RPAP1: variants seen among roughly 807,000 people sequenced by gnomAD.
RPAP1 encodes RNA polymerase II associated protein 1.
A neutral mutation model predicts 142.4 loss-of-function variants in RPAP1; 109 were observed. The observed-to-expected ratio is 0.77, with a 90% CI of 0.66 to 0.90. The LOEUF is 0.90. RPAP1 is among the 40% of genes least tolerant of loss of function. The pLI, the probability that RPAP1 is intolerant of heterozygous loss-of-function variation, is 0.00. For missense variants in RPAP1, 1,546 were observed against 1,751.7 expected (o/e 0.88, Z 2.10); for synonymous variants, 704 against 738.9 (o/e 0.95, Z 0.77).
At chr15:41,521,593 G>C in intron 21 of RPAP1, 145 bp downstream of exon 21, 1 of 857,452 alleles carries the variant, frequency 1.2e-6, no homozygotes, top group Non-Finnish European at 1.8e-6. Context: ...CTTCACTAAT[G>C]AGGTAATGGA....
intron 14 of RPAP1, 189 bp from the exon 15 acceptor site, chr15:41,525,337 T>G (rs2051780626): frequency 7.7e-6 from 2 of 260,072 alleles, no homozygotes. Context: ...ATTTTACTTT[T>G]TATTATTTAT....
chr15:41,531,067 G>T lies in RPAP1; in HGVS notation c.899C>A (p.Ala300Asp), dbSNP rs2051841759. 5.0e-6 allele frequency: 8 copies of T among 1,613,688 alleles called. No individual in the cohort carries two copies. The highest frequency in any genetic ancestry group is 6.8e-6 in the Non-Finnish European group (8 of 1,179,764). ...TKEEPLMSAF[A>D]SEPRKRDKLE... is the part of the protein sequence containing the mutation. ...CTTGTCTCTCTTCCTGGGCTCACTG[G>T]CAAAAGCTGACATGAGGGGTTCCTC... Residue 300 changes from alanine (A) to aspartate (D), a missense_variant, in exon 7 of 25, where the codon GCC becomes GAC. By Grantham distance (126) the Ala-to-Asp change is moderately radical. This residue lies in a region of RPAP1 where 1,333 missense variants were observed against 1,486.6 expected (regional missense o/e 0.90). Transcript: ENST00000304330.
At chr15:41,522,564 A>C (rs928608101) in intron 19 of RPAP1, 1 of 564,446 alleles carries the variant, frequency 1.8e-6, no homozygotes, top group African/African-American at 1.9e-5. Context: ...CTAATTTTGT[A>C]TTTTTAGTAG....
At position 41,524,165 on chromosome 15, in the gene RPAP1, A is replaced by C; in HGVS notation, c.2165T>G (p.Ile722Arg). 1 of 1,598,166 alleles carries C rather than the reference A, an allele frequency of 6.3e-7. No individual in the cohort carries two copies. Among genetic ancestry groups the C allele is most frequent in the Non-Finnish European group, 8.5e-7 (1 of 1,171,442 alleles). ...GGTGAGGAGAGTGAGCAGTGAGGCT[A>C]TCCGCTGCATGGACAGGGGTTGAGG... ...HPPQPLSMQR[I>R]ASLLTLLTQL... The change falls in exon 16 of 25, where the codon ATA becomes AGA. Residue 722 changes from isoleucine to arginine, a missense_variant. Ile to Arg is a moderately conservative substitution (Grantham distance 97). Transcript: ENST00000304330.
Position 41,527,904 on chromosome 15 carries a change from C to A in RPAP1, c.1384G>T (p.Ala462Ser), listed in dbSNP as rs372514392. Residue 462 changes from alanine (A) to serine (S), a missense_variant, in exon 11 of 25, where the codon GCC becomes TCC. Physicochemically the swap from Ala to Ser is moderately conservative, Grantham distance 99. Transcript: ENST00000304330. ...DDRVDGVIAT[A>S]IRALRALLVA... ...AGCAGAGCCCGAAGAGCACGGATGGCGGTTGCAATGACCCCATCCACTCTG... is the reference window on the plus strand; with the variant it reads ...AGCAGAGCCCGAAGAGCACGGATGGAGGTTGCAATGACCCCATCCACTCTG... The A allele has an allele frequency of 1.9e-6, 3 of 1,614,044 alleles. No homozygotes were observed. The highest frequency in any genetic ancestry group is 8.5e-7 in the Non-Finnish European group (1 of 1,180,008).
chr15:41,541,031 C>A (rs10152274), intron 1 of RPAP1, among the ~76,000 whole-genome samples: 4 of 151,952 alleles, frequency 2.6e-5, no homozygotes, highest in African/African-American at 9.7e-5. Context: ...CAAATGTCAC[C>A]TCAGAAAAAA....
chr15:41,518,155 C>G lies in RPAP1; in HGVS notation c.3823G>C (p.Val1275Leu). The G allele has an allele frequency of 6.3e-7, 1 of 1,580,440 alleles. No homozygotes were observed. Among genetic ancestry groups the G allele is most frequent in the Non-Finnish European group, 8.6e-7 (1 of 1,168,868 alleles). The change falls in exon 23 of 25, where the codon GTG (valine) becomes CTG (leucine). Residue 1275 changes from valine to leucine, a missense_variant. Val to Leu is a conservative substitution (Grantham distance 32). This residue lies in a region of RPAP1 where 210 missense variants were observed against 248.0 expected (regional missense o/e 0.85). Coordinates refer to ENST00000304330, the MANE Select transcript of RPAP1 (RefSeq NM_015540.4). ...AGGGCCAGGTTGTCTTCAGGAGGCA[C>G]TGTGTAACACTCCAGGGACACAGGC... is the stretch of plus-strand genomic sequence containing the variant. Reference protein sequence around the residue: ...QLPVSLECYTVPPEDNLALLQ... With the variant: ...QLPVSLECYTLPPEDNLALLQ...
chr15:41,527,213 G>T lies in RPAP1; in HGVS notation c.1700C>A (p.Ala567Asp). Residue 567 changes from alanine to aspartate, a missense_variant, in exon 13 of 25, where the codon GCT becomes GAT. Ala to Asp is a moderately radical substitution (Grantham distance 126, BLOSUM62 -2). Around this residue, in one of 3 missense-constraint regions of RPAP1, gnomAD observed 1,333 missense variants for 1,486.6 expected, o/e 0.90. Transcript: ENST00000304330. ...ATGCCGGGCCAGGCGGATGAGCACA[G>T]CCAGGATGTCAAGGACCACCGCAGG... The part of the protein sequence containing the change: ...PGPAVVLDIL[A>D]VLIRLARHSL... The T allele has an allele frequency of 6.2e-7, 1 of 1,614,172 alleles. No individual in the cohort carries two copies. The highest frequency in any genetic ancestry group is 8.5e-7 in the Non-Finnish European group (1 of 1,180,038).
chr15:41,527,113 C>A, intron 13 of RPAP1, 45 bp from the exon 14 acceptor site: 1 of 1,612,714 alleles, frequency 6.2e-7, no homozygotes, highest in South Asian at 1.1e-5. Context: ...GGCTGTGGGT[C>A]AAGACAAGGC....
At chr15:41,538,577 T>C (rs1435163761) in intron 1 of RPAP1, among the ~76,000 whole-genome samples, 1 of 152,204 alleles carries the variant, frequency 6.6e-6, no homozygotes, top group Non-Finnish European at 1.5e-5. Flanking sequence ...TGTATCATGA[T>C]AAAATATGCA....
chr15:41,522,973 T>C lies in RPAP1; in HGVS notation c.2547-13A>G. 6.6e-7 allele frequency: 1 copy of C among 1,513,420 alleles called. No homozygotes were observed. Among genetic ancestry groups the C allele is most frequent in the South Asian group, 1.4e-5 (1 of 72,078 alleles). 93.7% of individuals were successfully genotyped at this position (1,513,420 alleles called of 1,614,324 possible). ...AAGGGAGCAGTGCCTGTAGGTGAAGTGGAGAGTCTGAGGGGGACTCTGGCC... is the reference window on the plus strand; with the variant it reads ...AAGGGAGCAGTGCCTGTAGGTGAAGCGGAGAGTCTGAGGGGGACTCTGGCC... On this transcript the variant is annotated splice_polypyrimidine_tract_variant and intron_variant, in intron 18 of 24. Coordinates refer to ENST00000304330, the MANE Select transcript of RPAP1 (RefSeq NM_015540.4).
At chr15:41,531,890 C>G (rs1452330377) in intron 6 of RPAP1, among the ~76,000 whole-genome samples, 4 of 151,610 alleles carry the variant, frequency 2.6e-5, no homozygotes, top group Admixed American at 2.6e-4. Flanking sequence ...GGGTCTTGCT[C>G]TGTTACCCAT....
At chr15:41,529,208 G>A (rs540703827) in intron 9 of RPAP1, among the ~76,000 whole-genome samples, 6 of 152,272 alleles carry the variant, frequency 3.9e-5, no homozygotes, top group South Asian at 2.1e-4. Flanking sequence ...GGTGGCATGC[G>A]CCTGTAATCC....
At chr15:41,543,030 C>T (rs866516097) in intron 1 of RPAP1, among the ~76,000 whole-genome samples, 1 of 152,062 alleles carries the variant, frequency 6.6e-6, no homozygotes, top group Non-Finnish European at 1.5e-5. Context: ...TTCATGTGAT[C>T]CAAAAGCAAA....
chr15:41,533,013 A>G (rs1262205407), intron 6 of RPAP1, among the ~76,000 whole-genome samples: 1 of 148,100 alleles, frequency 6.8e-6, no homozygotes, highest in Non-Finnish European at 1.5e-5. Flanking sequence ...AGCAGGGCAT[A>G]TGAGACCAGG....
intron 21 of RPAP1, 104 bp from the exon 22 acceptor site, chr15:41,521,251 G>T: frequency 8.7e-7 from 1 of 1,154,664 alleles, no homozygotes; most frequent in Non-Finnish European, 1.2e-6. Flanking sequence ...CCAGACCTGT[G>T]CCTCTCTGCT....
rs759278310 is a variant in RPAP1 at position 41,536,983 on chromosome 15, G to C, written c.143C>G (p.Pro48Arg). The C allele has an allele frequency of 4.3e-6, 7 of 1,614,012 alleles. No individual in the cohort carries two copies. The highest frequency in any genetic ancestry group is 5.9e-6 in the Non-Finnish European group (7 of 1,180,034). ...CACATCCCGATGGTCCTGGAGCGGAGGCCGGTCTGAGTTGGCATCACCACC... is the reference window on the plus strand; with the variant it reads ...CACATCCCGATGGTCCTGGAGCGGACGCCGGTCTGAGTTGGCATCACCACC... ...RGGGDANSDRPPLQDHRDVVM... is the reference protein window; with the variant it reads ...RGGGDANSDRRPLQDHRDVVM... Residue 48 changes from proline to arginine, a missense_variant, in exon 2 of 25, where the codon CCT becomes CGT. By Grantham distance (103) the Pro-to-Arg change is moderately radical. Transcript: ENST00000304330.
At chr15:41,533,068 T>G (rs1251782084) in intron 6 of RPAP1, among the ~76,000 whole-genome samples, 1 of 146,790 alleles carries the variant, frequency 6.8e-6, no homozygotes, top group Non-Finnish European at 1.5e-5. Context: ...TTATAAGGTG[T>G]GTGACCTGGG....
rs1476860707 is a variant in RPAP1 at position 41,518,144 on chromosome 15, T to C, written c.3834A>G (p.Glu1278=). 6.3e-7 allele frequency: 1 copy of C among 1,593,282 alleles called. No homozygotes were observed. The highest frequency in any genetic ancestry group is 1.4e-5 in the African/African-American group (1 of 73,402). ...AGAGCTGAAGGAGGGCCAGGTTGTC[T>C]TCAGGAGGCACTGTGTAACACTCCA... ...VSLECYTVPP[E]DNLALLQLYF... The change falls in exon 23 of 25, where the codon GAA becomes GAG. Residue 1278 remains glutamate (E), a synonymous_variant. Transcript: ENST00000304330.
Sources: gnomAD v4.1 joint callset for allele counts (sites outside exome capture counted in the v4.1 genomes callset) on GRCh38, gnomAD v4.1.1 for gene constraint, gnomAD v4.1.1 regional missense constraint, MANE v1.5 for transcripts, NCBI Gene and HGNC (gene_info 2026-07-23, HGNC 2026-07-21) for gene names.